KIF26B: variants seen among roughly 807,000 people sequenced by gnomAD.
KIF26B encodes kinesin family member 26B, also known as kinesin-like protein KIF26B.
In KIF26B, 63 loss-of-function variants were observed where a neutral mutation model predicts 151.2. That is an observed-to-expected ratio of 0.42 (90% CI 0.34 to 0.51). KIF26B has a LOEUF of 0.51. Among genes scored for constraint, KIF26B ranks in the 20% least tolerant of loss-of-function variants. The probability of loss-of-function intolerance (pLI) is 0.07; values close to 1 mark genes in which losing one functional copy is unlikely to be tolerated. For missense variants in KIF26B, 2,813 were observed against 2,913.6 expected (o/e 0.97, Z 0.79); for synonymous variants, 1,357 against 1,262.1 (o/e 1.08, Z -1.59).
At chr1:245,485,977 C>T (rs944825498) in intron 4 of KIF26B, among the ~76,000 whole-genome samples, 1 of 152,224 alleles carries the variant, frequency 6.6e-6, no homozygotes, top group African/African-American at 2.4e-5. Context: ...CAACCCCGTC[C>T]TCCAGCTGCT....
intron 2 of KIF26B, among the ~76,000 whole-genome samples, chr1:245,246,802 T>C (rs1670337819): frequency 1.3e-5 from 2 of 151,962 alleles, no homozygotes; most frequent in Non-Finnish European, 2.9e-5. Context: ...AGCTGTGTAC[T>C]GGGTTCTTTG....
intron 10 of KIF26B, among the ~76,000 whole-genome samples, chr1:245,660,349 C>T (rs1215286593): frequency 2.1e-5 from 1 of 47,184 alleles, no homozygotes; most frequent in African/African-American, 9.2e-5. Context: ...TTTGGGGGGG[C>T]GGGTAGGGGA....
At chr1:245,576,066 C>A (rs1407397240) in intron 5 of KIF26B, among the ~76,000 whole-genome samples, 1 of 152,172 alleles carries the variant, frequency 6.6e-6, no homozygotes, top group Non-Finnish European at 1.5e-5. Flanking sequence ...GCTCTTCAGA[C>A]CCTGACCTTT....
chr1:245,590,796 T>C (rs1436848857), intron 5 of KIF26B, among the ~76,000 whole-genome samples: 1 of 151,474 alleles, frequency 6.6e-6, no homozygotes, highest in Non-Finnish European at 1.5e-5. Context: ...TCATCCTAGC[T>C]ACTTGGGAGG....
At chr1:245,168,334 C>T (rs1048622976) in intron 2 of KIF26B, among the ~76,000 whole-genome samples, 2 of 152,308 alleles carry the variant, frequency 1.3e-5, no homozygotes, top group East Asian at 3.9e-4. Flanking sequence ...GGGCCGGTAG[C>T]GCCGTCGTTG....
intron 2 of KIF26B, among the ~76,000 whole-genome samples, chr1:245,297,763 G>A (rs1248404978): frequency 2.0e-5 from 3 of 152,206 alleles, no homozygotes; most frequent in Non-Finnish European, 4.4e-5. Context: ...ATGAGGACAT[G>A]GTTTCTGTCC....
chr1:245,377,330 C>T (rs763185644), intron 3 of KIF26B, among the ~76,000 whole-genome samples: 4 of 152,220 alleles, frequency 2.6e-5, no homozygotes. Flanking sequence ...AGTCCTTCCT[C>T]GCCCTTCTGT....
rs2044542357 is a variant in KIF26B, at chr1:245,687,325, G to A, written c.4342G>A (p.Val1448Met). ...EDPWLKREEE[V>M]KKETAHPNEE... is the part of the protein sequence containing the mutation. Reference sequence around the variant, plus strand: ...CCCGTGGCTGAAACGAGAAGAGGAAGTGAAAAAAGAGACGGCTCATCCCAA... The same window carrying A: ...CCCGTGGCTGAAACGAGAAGAGGAAATGAAAAAAGAGACGGCTCATCCCAA... The change falls in exon 12 of 15, where the codon GTG becomes ATG. Residue 1448 changes from valine to methionine, a missense_variant. This residue lies in a region of KIF26B where 2,060 missense variants were observed against 2,088.6 expected (regional missense o/e 0.99). Transcript: ENST00000407071. The surrounding 1 kb of genome is among the most constrained non-coding windows in gnomAD (Gnocchi z 4.9). 6.2e-7 allele frequency: 1 copy of A among 1,601,144 alleles called. No individual in the cohort carries two copies. Among genetic ancestry groups the A allele is most frequent in the Admixed American group, 1.7e-5 (1 of 57,812 alleles).
chr1:245,664,301 G>A (rs1048401827), intron 10 of KIF26B, among the ~76,000 whole-genome samples: 1 of 151,072 alleles, frequency 6.6e-6, no homozygotes, highest in Non-Finnish European at 1.5e-5. Context: ...GGAGGTTGCA[G>A]TGAGCCGAGA....
At position 245,687,658 on chromosome 1, in the gene KIF26B, G is replaced by C; in HGVS notation, c.4675G>C (p.Ala1559Pro). The C allele has an allele frequency of 6.3e-7, 1 of 1,575,268 alleles. No homozygotes were observed. Among genetic ancestry groups the C allele is most frequent in the Non-Finnish European group, 8.6e-7 (1 of 1,160,756 alleles). The change falls in exon 12 of 15, where the codon GCT becomes CCT. Residue 1559 changes from alanine to proline, a missense_variant. Physicochemically the swap from Ala to Pro is conservative, Grantham distance 27. This residue lies in a region of KIF26B where 2,060 missense variants were observed against 2,088.6 expected (regional missense o/e 0.99). Coordinates refer to ENST00000407071, the MANE Select transcript of KIF26B (RefSeq NM_018012.4). This position sits in a 1 kb window ranked among gnomAD's most constrained non-coding sequence, Gnocchi z 4.9. ...GGACAGCCTCTCCTATTACTGCGCT[G>C]CTGAGACCAACGGGGTGGGTGCAGC... Reference protein sequence around the residue: ...EPDSLSYYCAAETNGVGAASG... With the variant: ...EPDSLSYYCAPETNGVGAASG...
intron 2 of KIF26B, among the ~76,000 whole-genome samples, chr1:245,279,306 C>CTTTTTT (rs5782332): frequency 7.5e-6 from 1 of 132,652 alleles, no homozygotes; most frequent in Admixed American, 7.6e-5. Context: ...TTTTTTCTTT[C>CTTTTTT]TTTTTTTTTT....
chr1:245,525,946 T>C (rs2103093666), intron 4 of KIF26B, among the ~76,000 whole-genome samples: 1 of 152,324 alleles, frequency 6.6e-6, no homozygotes, highest in African/African-American at 2.4e-5. Context: ...ATGGAAATTA[T>C]TTAACCTAGG....
intron 3 of KIF26B, among the ~76,000 whole-genome samples, chr1:245,413,498 T>TA (rs994358506): frequency 2.0e-5 from 3 of 151,928 alleles, no homozygotes; most frequent in African/African-American, 7.3e-5. Flanking sequence ...CTGTCTCTAC[T>TA]AAAAAAATAG....
At chr1:245,507,151 T>C (rs1431835246) in intron 4 of KIF26B, among the ~76,000 whole-genome samples, 2 of 152,166 alleles carry the variant, frequency 1.3e-5, no homozygotes, top group African/African-American at 4.8e-5. Flanking sequence ...GAAGAGTCCA[T>C]TTTTGTTGCT....
intron 2 of KIF26B, among the ~76,000 whole-genome samples, chr1:245,182,912 A>G (rs933077532): frequency 2.7e-4 from 41 of 152,220 alleles, no homozygotes; most frequent in Admixed American, 1.0e-3. Context: ...CTGGGATTAT[A>G]GGCGTGAGCC....
At chr1:245,517,173 A>G (rs1020432276) in intron 4 of KIF26B, among the ~76,000 whole-genome samples, 4 of 152,340 alleles carry the variant, frequency 2.6e-5, no homozygotes, top group Middle Eastern at 3.4e-3. Context: ...CCTGGTCAAC[A>G]TGGCGAAAAC....
rs1558332494 is a variant in KIF26B at position 245,170,948 on chromosome 1, A to G, written c.465+14265A>G. ...TAATTGATTCTGCACTGTCTCCATT[A>G]TTTGGTGAGATGGTAACATGTGATT... On this transcript the variant is annotated intron_variant, in intron 2 of 14. Coordinates refer to ENST00000407071, the MANE Select transcript of KIF26B (RefSeq NM_018012.4). The surrounding 1 kb of genome is among the most constrained non-coding windows in gnomAD (Gnocchi z 4.4). Among the ~76,000 whole-genome samples the G allele has an allele frequency of 6.6e-6, 1 of 152,156 alleles. No homozygotes were observed. The highest frequency in any genetic ancestry group is 1.5e-5 in the Non-Finnish European group (1 of 68,034).
chr1:245,325,303 A>G (rs550233501), intron 2 of KIF26B, among the ~76,000 whole-genome samples: 3 of 152,124 alleles, frequency 2.0e-5, no homozygotes, highest in African/African-American at 7.2e-5. Flanking sequence ...TGCACCTGCT[A>G]TGTGTGGCAT....
chr1:245,216,856 G>A (rs892938602), intron 2 of KIF26B, among the ~76,000 whole-genome samples: 2 of 152,172 alleles, frequency 1.3e-5, no homozygotes, highest in South Asian at 2.1e-4. Flanking sequence ...CCTCAACTGC[G>A]TCTGCAGTTT....
Sources: gnomAD v4.1 joint callset for allele counts (sites outside exome capture counted in the v4.1 genomes callset) on GRCh38, gnomAD v4.1.1 for gene constraint, gnomAD v4.1.1 regional missense constraint, Gnocchi (gnomAD v3.1) non-coding constraint, MANE v1.5 for transcripts, NCBI Gene and HGNC (gene_info 2026-07-23, HGNC 2026-07-21) for gene names.